Variants in PEX14 observed in about 807,000 individuals in gnomAD.
PEX14 encodes the protein peroxisomal membrane protein PEX14.
Under a neutral mutation model 49.5 loss-of-function variants are expected in PEX14, and 15 were observed. The ratio of observed to expected loss-of-function variants is 0.30; its 90% CI spans 0.20 to 0.47. The LOEUF is 0.47. PEX14 is among the 20% of genes least tolerant of loss of function. The pLI, the probability that PEX14 is intolerant of heterozygous loss-of-function variation, is 1.00. For synonymous variants in PEX14, 210 were observed against 212.7 expected (o/e 0.99, Z 0.11); for missense variants, 398 against 494.8 (o/e 0.80, Z 1.86).
chr1:10,487,582 T>C (rs540099413), intron 1 of PEX14, among the ~76,000 whole-genome samples: 4 of 149,674 alleles, frequency 2.7e-5, no homozygotes, highest in Admixed American at 2.0e-4. Context: ...CCTCCCAGGT[T>C]CAAGCGATTC....
chr1:10,490,471 C>T (rs945326420), intron 1 of PEX14, among the ~76,000 whole-genome samples: 1 of 152,158 alleles, frequency 6.6e-6, no homozygotes, highest in African/African-American at 2.4e-5. Context: ...TGGGGAAGGT[C>T]AGCGCCTTGG....
intron 3 of PEX14, among the ~76,000 whole-genome samples, chr1:10,586,611 CA>C (rs1159434809): frequency 9.0e-6 from 1 of 111,214 alleles, no homozygotes; most frequent in Non-Finnish European, 1.9e-5. Flanking sequence ...TAATGTTGAA[CA>C]AAAGGAGCCG....
chr1:10,581,305 C>CTTTTT (rs71583884), intron 3 of PEX14, among the ~76,000 whole-genome samples: 26 of 126,968 alleles, frequency 2.0e-4, no homozygotes, highest in African/African-American at 4.4e-4. Context: ...CTTTGTTATC[C>CTTTTT]TTTTTTTTTT....
intron 4 of PEX14, among the ~76,000 whole-genome samples, chr1:10,602,756 C>G (rs1301740831): frequency 6.6e-6 from 1 of 152,176 alleles, no homozygotes; most frequent in Non-Finnish European, 1.5e-5. Flanking sequence ...TAATTACAAG[C>G]AAACTCAGGG....
intron 1 of PEX14, among the ~76,000 whole-genome samples, chr1:10,481,183 G>A (rs1427267974): frequency 6.7e-6 from 1 of 149,718 alleles, no homozygotes; most frequent in Non-Finnish European, 1.5e-5. Context: ...TGTTGCCCAG[G>A]CTGGAGTGCA....
At position 10,546,042 on chromosome 1, in the gene PEX14, C is replaced by T. The variant is rs146152989; in HGVS notation, c.169+9745C>T. Among the ~76,000 whole-genome samples the T allele has an allele frequency of 8.5e-4, 128 of 150,284 alleles. 1 individual carries two copies. Among genetic ancestry groups the T allele is most frequent in the African/African-American group, 2.9e-3 (120 of 40,904 alleles). ...CCTGGGTGACAGAGCAAGACACTGT[C>T]TCAAAAAAAAAGATTGAGGAGGGGG... is the stretch of plus-strand genomic sequence containing the variant. On this transcript the variant is annotated intron_variant, in intron 3 of 8. Coordinates refer to ENST00000356607, the MANE Select transcript of PEX14 (RefSeq NM_004565.3).
At chr1:10,576,788 G>A (rs1016854003) in intron 3 of PEX14, among the ~76,000 whole-genome samples, 1 of 136,746 alleles carries the variant, frequency 7.3e-6, no homozygotes, top group Non-Finnish European at 1.6e-5. Context: ...ATGGAATTTT[G>A]CTCGTATCGC....
chr1:10,521,412 T>C (rs1178213352), intron 2 of PEX14, among the ~76,000 whole-genome samples: 1 of 152,280 alleles, frequency 6.6e-6, no homozygotes, highest in African/African-American at 2.4e-5. Context: ...TTTACTTCTC[T>C]GAATTTGCTT....
chr1:10,507,284 G>A (rs1456862136), intron 2 of PEX14, among the ~76,000 whole-genome samples: 1 of 152,262 alleles, frequency 6.6e-6, no homozygotes, highest in East Asian at 1.9e-4. Flanking sequence ...GGTGCGGTGT[G>A]GACCGCGCTG....
intron 1 of PEX14, among the ~76,000 whole-genome samples, chr1:10,478,668 G>A (rs1231326139): frequency 4.6e-5 from 7 of 151,916 alleles, no homozygotes; most frequent in Admixed American, 2.0e-4. Context: ...ATCCTTGCCC[G>A]CCCAGGCTCA....
At position 10,621,361 on chromosome 1, in the gene PEX14, T is replaced by G. The variant is rs1228118660; in HGVS notation, c.385-1658T>G. ...TGAATTCTTTTTTTTTTTTTTTTTT[T>G]TTTGAGACACAGTCTAACTCTGTTA... On this transcript the variant is annotated intron_variant, in intron 5 of 8. Coordinates refer to ENST00000356607, the MANE Select transcript of PEX14 (RefSeq NM_004565.3). 2.0e-5 allele frequency among the ~76,000 whole-genome samples: 3 copies of G among 149,406 alleles called. No individual in the cohort carries two copies. In the East Asian group the frequency reaches 5.8e-4, roughly 29 times the overall value.
At chr1:10,522,439 T>G (rs1353850550) in intron 2 of PEX14, among the ~76,000 whole-genome samples, 1 of 152,260 alleles carries the variant, frequency 6.6e-6, no homozygotes, top group Non-Finnish European at 1.5e-5. Flanking sequence ...GTAGTTTCCC[T>G]GCTCATTATG....
intron 2 of PEX14, among the ~76,000 whole-genome samples, chr1:10,502,767 A>G (rs1228054810): frequency 6.7e-6 from 1 of 150,058 alleles, no homozygotes; most frequent in East Asian, 2.0e-4. Context: ...AGAGCTACTC[A>G]GTGATTGGGG....
At chr1:10,487,265 T>C (rs970029067) in intron 1 of PEX14, among the ~76,000 whole-genome samples, 7 of 151,722 alleles carry the variant, frequency 4.6e-5, no homozygotes, top group Admixed American at 1.3e-4. Context: ...TTTTTGTATG[T>C]GGATGTGTAA....
At chr1:10,532,359 G>C (rs1005203256) in intron 2 of PEX14, among the ~76,000 whole-genome samples, 2 of 151,590 alleles carry the variant, frequency 1.3e-5, no homozygotes, top group Admixed American at 6.6e-5. Context: ...GTTTTATTTT[G>C]CTTTGGGTGG....
At chr1:10,524,010 G>T (rs974273413) in intron 2 of PEX14, among the ~76,000 whole-genome samples, 2 of 152,014 alleles carry the variant, frequency 1.3e-5, no homozygotes, top group Non-Finnish European at 2.9e-5. Flanking sequence ...TAATGTTTTG[G>T]TATCATTTTT....
At position 10,494,493 on chromosome 1, in the gene PEX14, T is replaced by C. The variant is rs569499545; in HGVS notation, c.37-781T>C. Among the ~76,000 whole-genome samples the C allele has an allele frequency of 6.6e-6, 1 of 152,232 alleles. No homozygotes were observed. The highest frequency in any genetic ancestry group is 2.4e-5 in the African/African-American group (1 of 41,466). On this transcript the variant is annotated intron_variant, in intron 1 of 8. Coordinates refer to ENST00000356607, the MANE Select transcript of PEX14 (RefSeq NM_004565.3). This position sits in a 1 kb window ranked among gnomAD's most constrained non-coding sequence, Gnocchi z 4.3. ...TGTAAATTTCTTCAGAATCTGTCTC[T>C]ACCTCTGCCTCTCCCTTTCTCTAAA...
intron 2 of PEX14, among the ~76,000 whole-genome samples, chr1:10,515,729 C>T (rs1007504676): frequency 2.6e-5 from 4 of 152,118 alleles, no homozygotes; most frequent in African/African-American, 4.8e-5. Flanking sequence ...ATCCTTCACC[C>T]GGCTCTGGCT....
At chr1:10,553,122 G>C (rs1639383080) in intron 3 of PEX14, among the ~76,000 whole-genome samples, 1 of 152,192 alleles carries the variant, frequency 6.6e-6, no homozygotes, top group Non-Finnish European at 1.5e-5. Context: ...TCTCTCAAAG[G>C]TAGGGCGGGC....
Sources: allele counts gnomAD v4.1 joint callset (sites outside exome capture counted in the v4.1 genomes callset), GRCh38; gene constraint gnomAD v4.1.1; non-coding constraint Gnocchi (gnomAD v3.1); transcripts MANE v1.5; gene names NCBI Gene and HGNC (gene_info 2026-07-23, HGNC 2026-07-21).